The following MINK1 variants were observed in gnomAD, a reference collection of about 807,000 sequenced individuals.
MINK1 encodes the protein misshapen like kinase 1.
MINK1 carries 46 observed loss-of-function variants against 178.4 expected under a neutral mutation model. That is an observed-to-expected ratio of 0.26 (90% CI 0.20 to 0.33). The LOEUF (loss-of-function observed/expected upper bound fraction) is 0.33, where lower values mean the gene tolerates loss of function less well. Among genes scored for constraint, MINK1 ranks in the 10% least tolerant of loss-of-function variants. MINK1 has a pLI of 1.00. For missense variants in MINK1, 1,366 were observed against 1,814.9 expected, an observed-to-expected ratio of 0.75 and a Z score of 4.49; for synonymous variants, 797 against 709.7, an observed-to-expected ratio of 1.12 and a Z score of -1.96.
rs1285808748 is a variant in MINK1, at chr17:4,833,601, C to G, written c.18C>G (p.Pro6=). The G allele has an allele frequency of 2.0e-6, 3 of 1,500,342 alleles. No homozygotes were observed. In the South Asian group the frequency reaches 3.7e-5, roughly 19 times the overall value. The allele number at this position is 1,500,342 out of a possible 1,614,324, so 92.9% of individuals were successfully genotyped here. A position where few individuals can be genotyped will look rare whatever the true frequency, so the allele number is the denominator to read the frequency against. The stretch of plus-strand genomic sequence containing the variant: ...CGGAGGCCATGGGCGACCCAGCCCC[C>G]GCCCGCAGCCTGGACGACATCGACC... MGDPA[P]ARSLDDIDLS... Residue 6 remains proline (P), a synonymous_variant, in exon 1 of 32, where the codon CCC becomes CCG. Coordinates refer to ENST00000355280, the MANE Select transcript of MINK1 (RefSeq NM_153827.5). The surrounding 1 kb of genome is among the most constrained non-coding windows in gnomAD (Gnocchi z 4.8).
chr17:4,847,230 GTTCA>G (rs59076401), intron 1 of MINK1: 15,893 of 458,980 alleles, frequency 0.035, 1,077 homozygotes, highest in African/African-American at 0.2. Flanking sequence ...TTTGGTTCCA[GTTCA>G]TTCATTCATT....
intron 1 of MINK1, among the ~76,000 whole-genome samples, chr17:4,877,716 A>T (rs1248820056): frequency 6.7e-6 from 1 of 150,244 alleles, no homozygotes; most frequent in Non-Finnish European, 1.5e-5. Context: ...CATTTTGCAC[A>T]TGAGGGTACA....
intron 2 of MINK1, among the ~76,000 whole-genome samples, chr17:4,880,716 G>A (rs1052553895): frequency 1.3e-4 from 20 of 151,324 alleles, no homozygotes; most frequent in Non-Finnish European, 1.3e-4. Flanking sequence ...TGGCTAACAC[G>A]GTGAAACCCC....
Position 4,836,918 on chromosome 17 carries a change from C to G in MINK1, c.57+3278C>G, listed in dbSNP as rs1909382761. ...AGTGGCCGGGTGTGGTAGCTCACGA[C>G]CGTAATCCCAGCACTTTGGGAGGCC... is the stretch of plus-strand genomic sequence containing the variant. On this transcript the variant is annotated intron_variant, in intron 1 of 31. Transcript: ENST00000355280. This position sits in a 1 kb window ranked among gnomAD's most constrained non-coding sequence, Gnocchi z 4.3. Among the ~76,000 whole-genome samples, 3 of 152,096 alleles carry G rather than the reference C, an allele frequency of 2.0e-5. No individual in the cohort carries two copies. The highest frequency in any genetic ancestry group is 6.6e-5 in the Admixed American group (1 of 15,258).
intron 21 of MINK1, 22 bp downstream of exon 21, chr17:4,893,619 C>A: frequency 6.6e-7 from 1 of 1,513,858 alleles, no homozygotes; most frequent in East Asian, 2.3e-5. Flanking sequence ...GGAGTGGGGC[C>A]CTCCCACTCC....
chr17:4,835,819 C>T (rs1028966706), intron 1 of MINK1, among the ~76,000 whole-genome samples: 2 of 152,126 alleles, frequency 1.3e-5, no homozygotes, highest in South Asian at 2.1e-4. Flanking sequence ...CTGGACTTCT[C>T]GGCTTGAAGC....
intron 1 of MINK1, among the ~76,000 whole-genome samples, chr17:4,846,926 G>T (rs116375005): frequency 6.6e-6 from 1 of 152,182 alleles, no homozygotes; most frequent in South Asian, 2.1e-4. Context: ...TGACTCTGCC[G>T]CATTGCCCAG....
chr17:4,894,646 G>A lies in MINK1; in HGVS notation c.2917+13G>A. 1 of 1,582,668 alleles carries A rather than the reference G, an allele frequency of 6.3e-7. No individual in the cohort carries two copies. Among genetic ancestry groups the A allele is most frequent in the Non-Finnish European group, 8.6e-7 (1 of 1,160,882 alleles). ...ATCCCCATCACAGGTGAGGACAGGA[G>A]GACAGACCTGCTGTGAGGCCAGGGT... On this transcript the variant is annotated intron_variant, in intron 24 of 31. Coordinates refer to ENST00000355280, the MANE Select transcript of MINK1 (RefSeq NM_153827.5). The surrounding 1 kb of genome is among the most constrained non-coding windows in gnomAD (Gnocchi z 4.1).
intron 1 of MINK1, chr17:4,854,912 TAAAA>T: frequency 2.4e-6 from 1 of 420,014 alleles, no homozygotes; most frequent in Non-Finnish European, 4.8e-6. Context: ...AAGGCTTCAT[TAAAA>T]AGAGTCCAGG....
chr17:4,854,434 G>T (rs72835022), intron 1 of MINK1, among the ~76,000 whole-genome samples: 3 of 152,108 alleles, frequency 2.0e-5, no homozygotes, highest in Admixed American at 6.5e-5. Context: ...AGGAGGAGGG[G>T]AATAAATTCC....
intron 1 of MINK1, among the ~76,000 whole-genome samples, chr17:4,862,751 G>T (rs1489876377): frequency 6.6e-6 from 1 of 152,132 alleles, no homozygotes; most frequent in African/African-American, 2.4e-5. Flanking sequence ...GACCCTTCTT[G>T]GAAGGGCGTG....
At chr17:4,850,369 C>T (rs974591526) in intron 1 of MINK1, among the ~76,000 whole-genome samples, 2 of 152,138 alleles carry the variant, frequency 1.3e-5, no homozygotes, top group Non-Finnish European at 2.9e-5. Context: ...CAGGAAGTTC[C>T]CCTTCTGTCT....
Position 4,887,028 on chromosome 17 carries a change from G to T in MINK1, c.950-82G>T. Reference sequence around the variant, plus strand: ...CATGCTTGCCCAGCCAGAGAGACCTGGTTATCCCCACCCAAGGTTTCCCTA... The same window carrying T: ...CATGCTTGCCCAGCCAGAGAGACCTTGTTATCCCCACCCAAGGTTTCCCTA... On this transcript the variant is annotated intron_variant, in intron 10 of 31. Transcript: ENST00000355280. This position sits in a 1 kb window ranked among gnomAD's most constrained non-coding sequence, Gnocchi z 7.6. 1 of 1,439,762 alleles carries T rather than the reference G, an allele frequency of 6.9e-7. No homozygotes were observed. The highest frequency in any genetic ancestry group is 1.2e-5 in the South Asian group (1 of 80,674). 89.2% of individuals were successfully genotyped at this position (1,439,762 alleles called of 1,614,324 possible).
chr17:4,875,136 G>A (rs536559529), intron 1 of MINK1: 1 of 520,056 alleles, frequency 1.9e-6, no homozygotes, highest in East Asian at 5.5e-5. Flanking sequence ...TTCTTCTGTT[G>A]GGGAGCTCTG....
In MINK1 at chr17:4,885,723, A is replaced by G; in HGVS notation, c.639+110A>G. On this transcript the variant is annotated intron_variant, in intron 7 of 31. Coordinates refer to ENST00000355280, the MANE Select transcript of MINK1 (RefSeq NM_153827.5). This position sits in a 1 kb window ranked among gnomAD's most constrained non-coding sequence, Gnocchi z 5.0. ...CAGAGGAAGGTCAGATGATGTTAGC[A>G]GTGAGGGGCTGGGGAACATCTTACG... The G allele has an allele frequency of 2.0e-6, 3 of 1,490,516 alleles. No homozygotes were observed. Among genetic ancestry groups the G allele is most frequent in the Middle Eastern group, 3.5e-4 (2 of 5,684 alleles). The allele number at this position is 1,490,516 out of a possible 1,614,324, so 92.3% of individuals were successfully genotyped here.
At position 4,890,895 on chromosome 17, in the gene MINK1, A is replaced by G. The variant is rs1968718775; in HGVS notation, c.1567-56A>G. 4 of 1,549,130 alleles carry G rather than the reference A, an allele frequency of 2.6e-6. No homozygotes were observed. In the African/African-American group the frequency reaches 4.1e-5, roughly 16 times the overall value. On this transcript the variant is annotated intron_variant, in intron 14 of 31. Coordinates refer to ENST00000355280, the MANE Select transcript of MINK1 (RefSeq NM_153827.5). The stretch of plus-strand genomic sequence containing the variant: ...AGTAGTTAGGGCAGGTGGGACCCTC[A>G]GTTTTGAGAACAGGGAGGCAAGAGC...
At position 4,833,347 on chromosome 17, in the gene MINK1, G is replaced by C. The variant is rs1391703306; in HGVS notation, c.-237G>C. 9.4e-6 allele frequency: 4 copies of C among 423,876 alleles called. No individual in the cohort carries two copies. Among genetic ancestry groups the C allele is most frequent in the Middle Eastern group, 6.6e-4 (1 of 1,524 alleles). 26.3% of individuals were successfully genotyped at this position (423,876 alleles called of 1,614,324 possible). ...TCGCGCTTCCACCCTCCCAGTGCGC[G>C]GTCGCTCCGCGCCTGCGCAGGAGAG... On this transcript the variant is annotated 5_prime_UTR_variant, in exon 1 of 32. Coordinates refer to ENST00000355280, the MANE Select transcript of MINK1 (RefSeq NM_153827.5). This position sits in a 1 kb window ranked among gnomAD's most constrained non-coding sequence, Gnocchi z 4.8.
Position 4,892,432 on chromosome 17 carries a change from T to C in MINK1, c.2118T>C (p.Tyr706=). 2 of 1,558,902 alleles carry C rather than the reference T, an allele frequency of 1.3e-6. No individual in the cohort carries two copies. The highest frequency in any genetic ancestry group is 2.4e-5 in the East Asian group (1 of 41,250). Reference sequence around the variant, plus strand: ...GCAGCAACTCCGCCTGGCAAATCTATCTGCAAAGGCGGGCAGAGCGGGGCA... The same window carrying C: ...GCAGCAACTCCGCCTGGCAAATCTACCTGCAAAGGCGGGCAGAGCGGGGCA... ...RPRSNSAWQI[Y]LQRRAERGTP... is the part of the protein sequence containing the mutation. The change falls in exon 18 of 32, where the codon TAT becomes TAC. Residue 706 remains tyrosine (Y), a synonymous_variant. Coordinates refer to ENST00000355280, the MANE Select transcript of MINK1 (RefSeq NM_153827.5).
chr17:4,879,538 C>T (rs1433286269), intron 2 of MINK1, among the ~76,000 whole-genome samples: 3 of 152,164 alleles, frequency 2.0e-5, no homozygotes, highest in Non-Finnish European at 2.9e-5. Flanking sequence ...CGTCTCTGGG[C>T]TTGGGGTCTT....
Sources: allele counts gnomAD v4.1 joint callset (sites outside exome capture counted in the v4.1 genomes callset), GRCh38; gene constraint gnomAD v4.1.1; non-coding constraint Gnocchi (gnomAD v3.1); transcripts MANE v1.5; gene names NCBI Gene and HGNC (gene_info 2026-07-23, HGNC 2026-07-21).